Variants in CYP2J2 observed in about 807,000 individuals in gnomAD.
CYP2J2 encodes cytochrome P450 2J2.
Under a neutral mutation model 48.8 loss-of-function variants are expected in CYP2J2, and 41 were observed. The ratio of observed to expected loss-of-function variants is 0.84; its 90% CI spans 0.66 to 1.09. The LOEUF (loss-of-function observed/expected upper bound fraction) is 1.09. Ranked by LOEUF, CYP2J2 falls within the 50% of genes least tolerant of loss-of-function variation. CYP2J2 has a pLI of 0.00. For synonymous variants in CYP2J2, 221 were observed against 227.1 expected (o/e 0.97, Z 0.24); for missense variants, 644 against 617.3 (o/e 1.04, Z -0.46).
chr1:59,965,053 CATAATT>C, the CYP2J2 span, among the ~76,000 whole-genome samples: 5 of 152,106 alleles, frequency 3.3e-5, no homozygotes, highest in African/African-American at 1.2e-4. Context: ...CTACTGATAA[CATAATT>C]ATGAGTATAT....
chr1:59,924,035 A>G (rs1452431256), intron 1 of CYP2J2, among the ~76,000 whole-genome samples: 1 of 152,146 alleles, frequency 6.6e-6, no homozygotes, highest in Non-Finnish European at 1.5e-5. Context: ...ACAAAAACAA[A>G]GAAAATTTCT....
At chr1:59,912,484 T>A in intron 2 of CYP2J2, 173 bp from the exon 3 acceptor site, 1 of 637,628 alleles carries the variant, frequency 1.6e-6, no homozygotes, top group Non-Finnish European at 2.6e-6. Context: ...ATTTACTGAT[T>A]GCTTGCAATG....
At chr1:59,896,720 A>T (rs11572321) in intron 8 of CYP2J2, among the ~76,000 whole-genome samples, 11,657 of 152,088 alleles carry the variant, frequency 0.077, 466 homozygotes, top group African/African-American at 0.11. Flanking sequence ...GTGTATTTTT[A>T]GTAGCTTACT....
At chr1:59,934,812 A>C in the CYP2J2 span, among the ~76,000 whole-genome samples, 1 of 151,390 alleles carries the variant, frequency 6.6e-6, no homozygotes, top group Non-Finnish European at 1.5e-5. Context: ...TAAAAATTAA[A>C]AATAGGATTA....
At chr1:59,955,337 C>T in the CYP2J2 span, among the ~76,000 whole-genome samples, 18 of 136,922 alleles carry the variant, frequency 1.3e-4, 1 homozygote, top group South Asian at 6.6e-4. Context: ...TGGATAAGGA[C>T]GGGTTCTTGC....
Position 59,909,943 on chromosome 1 carries a change from T to G in CYP2J2, c.702A>C (p.Pro234=). The part of the protein sequence containing the change: ...SKTCQLYNVF[P]WIMKFLPGPH... ...GTCCAGGCAGGAATTTCATTATCCA[T>G]GGAAAGACATTGTAGAGCTAATTGA... Residue 234 remains proline, a synonymous_variant, in exon 5 of 9, where the codon CCA becomes CCC. Coordinates refer to ENST00000371204, the MANE Select transcript of CYP2J2 (RefSeq NM_000775.4). 6.2e-7 allele frequency: 1 copy of G among 1,608,070 alleles called. No individual in the cohort carries two copies. Among genetic ancestry groups the G allele is most frequent in the Non-Finnish European group, 8.5e-7 (1 of 1,178,294 alleles).
intron 1 of CYP2J2, among the ~76,000 whole-genome samples, chr1:59,921,206 C>T (rs1021644870): frequency 1.3e-5 from 2 of 152,130 alleles, no homozygotes; most frequent in African/African-American, 4.8e-5. Context: ...GTCCTCTAAC[C>T]ATGTCATGAA....
At chr1:59,937,659 C>A in the CYP2J2 span, among the ~76,000 whole-genome samples, 2 of 152,122 alleles carry the variant, frequency 1.3e-5, no homozygotes, top group African/African-American at 4.8e-5. Context: ...GTTTCTACCC[C>A]TATCTCTTTC....
At chr1:59,964,702 C>T in the CYP2J2 span, among the ~76,000 whole-genome samples, 7 of 152,236 alleles carry the variant, frequency 4.6e-5, no homozygotes, top group African/African-American at 1.2e-4. Flanking sequence ...TAAAAGTTCA[C>T]AGTCTGATTA....
At chr1:59,907,374 C>T (rs1014241317) in intron 6 of CYP2J2, among the ~76,000 whole-genome samples, 4 of 152,280 alleles carry the variant, frequency 2.6e-5, no homozygotes, top group African/African-American at 9.6e-5. Flanking sequence ...CAAGGCTAGA[C>T]AGGCAGAAGG....
chr1:59,923,771 T>C (rs1021432006), intron 1 of CYP2J2, among the ~76,000 whole-genome samples: 13 of 152,080 alleles, frequency 8.5e-5, no homozygotes, highest in East Asian at 3.8e-4. Flanking sequence ...AGAAACTACA[T>C]TGGAAACAAC....
chr1:59,938,826 G>A, the CYP2J2 span, among the ~76,000 whole-genome samples: 3 of 152,222 alleles, frequency 2.0e-5, no homozygotes, highest in Admixed American at 6.5e-5. Context: ...GACAATACCC[G>A]GCTTTCCAGG....
chr1:59,923,091 A>G (rs148390477), intron 1 of CYP2J2, among the ~76,000 whole-genome samples: 3 of 152,262 alleles, frequency 2.0e-5, no homozygotes, highest in East Asian at 1.9e-4. Context: ...CCCTTGGAGG[A>G]GATATAGGCA....
At chr1:59,964,859 A>C in the CYP2J2 span, among the ~76,000 whole-genome samples, 1 of 152,330 alleles carries the variant, frequency 6.6e-6, no homozygotes, top group Non-Finnish European at 1.5e-5. Flanking sequence ...TTTAAAGAAT[A>C]TCTCTTCACA....
the CYP2J2 span, among the ~76,000 whole-genome samples, chr1:59,955,264 CCATATATATATATCCATATATATATA>C: frequency 4.1e-5 from 1 of 24,222 alleles, no homozygotes; most frequent in Admixed American, 5.8e-4. Flanking sequence ...ATATATATAT[CCATATATATATATCCATATATATATA>C]TCCATATATA....
chr1:59,893,578 G>T lies in CYP2J2; in HGVS notation c.*73C>A. The T allele has an allele frequency of 8.4e-7, 1 of 1,185,362 alleles. No individual in the cohort carries two copies. Among genetic ancestry groups the T allele is most frequent in the Non-Finnish European group, 1.2e-6 (1 of 844,538 alleles). The allele number at this position is 1,185,362 out of a possible 1,614,324, so 73.4% of individuals were successfully genotyped here. ...ACTTTCATTTTGTCCCAACACATCT[G>T]AGCAGACACCAGTGGTTTCAGAACA... is the stretch of plus-strand genomic sequence containing the variant. On this transcript the variant is annotated 3_prime_UTR_variant, in exon 9 of 9. Coordinates refer to ENST00000371204, the MANE Select transcript of CYP2J2 (RefSeq NM_000775.4).
At chr1:59,911,844 T>A (rs997755626) in intron 3 of CYP2J2, 76 bp from the exon 4 acceptor site, 1 of 1,452,464 alleles carries the variant, frequency 6.9e-7, no homozygotes, top group South Asian at 1.3e-5. Context: ...CTACTTTACA[T>A]GGCATAAGAC....
the CYP2J2 span, among the ~76,000 whole-genome samples, chr1:59,968,711 A>G: frequency 6.6e-6 from 1 of 152,240 alleles, no homozygotes; most frequent in Non-Finnish European, 1.5e-5. Context: ...GGGGGGACCA[A>G]CCAGCACATG....
At chr1:59,931,833 CCAAG>C in the CYP2J2 span, among the ~76,000 whole-genome samples, 10 of 152,002 alleles carry the variant, frequency 6.6e-5, no homozygotes, top group African/African-American at 2.4e-4. Flanking sequence ...GGCGTATTTC[CCAAG>C]CAACAATGAT....
Sources: allele counts gnomAD v4.1 joint callset (sites outside exome capture counted in the v4.1 genomes callset), GRCh38; gene constraint gnomAD v4.1.1; transcripts MANE v1.5; gene names NCBI Gene and HGNC (gene_info 2026-07-23, HGNC 2026-07-21).